CACNA2D1: variants seen among roughly 807,000 people sequenced by gnomAD.
CACNA2D1 encodes the protein voltage-dependent calcium channel subunit alpha-2/delta-1.
Under a neutral mutation model 171.5 loss-of-function variants are expected in CACNA2D1, and 53 were observed. That is an observed-to-expected ratio of 0.31 (90% CI 0.25 to 0.39). The LOEUF (loss-of-function observed/expected upper bound fraction) is 0.39. Ranked by LOEUF, CACNA2D1 falls within the 10% of genes least tolerant of loss-of-function variation. The pLI is 1.00. For missense variants in CACNA2D1, 903 were observed against 1,299.8 expected (o/e 0.69, Z 4.69); for synonymous variants, 442 against 443.1 (o/e 1.00, Z 0.03).
intron 12 of CACNA2D1, among the ~76,000 whole-genome samples, chr7:82,025,262 T>C (rs2131067886): frequency 6.6e-6 from 1 of 151,834 alleles, no homozygotes; most frequent in African/African-American, 2.4e-5. Flanking sequence ...ATATTAAGTC[T>C]TCCAATCCAT....
At chr7:82,090,253 C>G (rs766151222) in intron 6 of CACNA2D1, among the ~76,000 whole-genome samples, 11 of 151,782 alleles carry the variant, frequency 7.2e-5, no homozygotes, top group Non-Finnish European at 1.3e-4. Flanking sequence ...ATCTTTGTAC[C>G]CTTACCTATA....
At chr7:82,327,042 T>A (rs1393988588) in intron 3 of CACNA2D1, among the ~76,000 whole-genome samples, 1 of 152,186 alleles carries the variant, frequency 6.6e-6, no homozygotes. Context: ...AACTGTTACA[T>A]TGAAAGGTGG....
At chr7:81,993,851 T>G (rs1797791975) in intron 20 of CACNA2D1, among the ~76,000 whole-genome samples, 1 of 152,024 alleles carries the variant, frequency 6.6e-6, no homozygotes, top group Admixed American at 6.5e-5. Flanking sequence ...GGAAGAAAAA[T>G]ATCAATGGGA....
At chr7:82,256,129 T>C (rs890399494) in intron 3 of CACNA2D1, among the ~76,000 whole-genome samples, 9 of 151,794 alleles carry the variant, frequency 5.9e-5, no homozygotes, top group South Asian at 4.2e-4. Context: ...GAAAAACAAA[T>C]AGCCAGGCGT....
intron 3 of CACNA2D1, among the ~76,000 whole-genome samples, chr7:82,292,000 C>T (rs575285112): frequency 9.3e-5 from 14 of 150,040 alleles, no homozygotes; most frequent in East Asian, 5.9e-4. Flanking sequence ...CACACATGCA[C>T]GCACACACAC....
intron 1 of CACNA2D1, among the ~76,000 whole-genome samples, chr7:82,378,946 T>C (rs1205774068): frequency 1.2e-5 from 1 of 83,292 alleles, no homozygotes; most frequent in Non-Finnish European, 2.5e-5. Flanking sequence ...CTCGTGTGTG[T>C]GTGTGTGTGT....
At chr7:82,377,664 A>G (rs1040699761) in intron 1 of CACNA2D1, among the ~76,000 whole-genome samples, 1 of 152,164 alleles carries the variant, frequency 6.6e-6, no homozygotes, top group Non-Finnish European at 1.5e-5. Context: ...GAACCCTTTA[A>G]AGGACAGATC....
chr7:82,187,104 C>G (rs1371365112), intron 3 of CACNA2D1, among the ~76,000 whole-genome samples: 1 of 152,108 alleles, frequency 6.6e-6, no homozygotes, highest in Non-Finnish European at 1.5e-5. Context: ...TCACAAATAT[C>G]TGGCTTTTTA....
At chr7:82,019,686 T>C (rs1584434556) in intron 12 of CACNA2D1, among the ~76,000 whole-genome samples, 1 of 152,150 alleles carries the variant, frequency 6.6e-6, no homozygotes, top group Non-Finnish European at 1.5e-5. Flanking sequence ...TAAAAAGCCA[T>C]AGGAATTTGT....
chr7:82,190,188 ATT>A (rs1434982031), intron 3 of CACNA2D1, among the ~76,000 whole-genome samples: 2 of 151,798 alleles, frequency 1.3e-5, no homozygotes, highest in African/African-American at 4.8e-5. Context: ...CTAAAATGAT[ATT>A]GTTATTCACC....
chr7:82,070,920 G>T (rs1395259155), intron 7 of CACNA2D1, among the ~76,000 whole-genome samples: 1 of 152,104 alleles, frequency 6.6e-6, no homozygotes, highest in East Asian at 1.9e-4. Flanking sequence ...AGAGATGACG[G>T]AGATGAGGAT....
chr7:82,137,507 T>C (rs1464966482), intron 4 of CACNA2D1, among the ~76,000 whole-genome samples: 2 of 152,038 alleles, frequency 1.3e-5, no homozygotes, highest in Non-Finnish European at 1.5e-5. Context: ...CCACATGTCT[T>C]CAAGTAGTAA....
intron 3 of CACNA2D1, among the ~76,000 whole-genome samples, chr7:82,303,033 G>A (rs986027252): frequency 1.2e-4 from 18 of 151,918 alleles, no homozygotes; most frequent in African/African-American, 3.4e-4. Flanking sequence ...TCCCTCTGTC[G>A]CCCAGGCTGG....
chr7:81,977,220 G>A (rs1584259886), intron 24 of CACNA2D1, among the ~76,000 whole-genome samples: 2 of 152,058 alleles, frequency 1.3e-5, no homozygotes, highest in Admixed American at 1.3e-4. Context: ...TTTGAGATAC[G>A]TTCCATCAAT....
At chr7:82,082,199 C>T (rs545242238) in intron 7 of CACNA2D1, among the ~76,000 whole-genome samples, 2 of 152,304 alleles carry the variant, frequency 1.3e-5, no homozygotes, top group East Asian at 3.9e-4. Flanking sequence ...GGCAGCTGTC[C>T]TCCACCAGCG....
At chr7:82,345,643 T>C (rs893339977) in intron 2 of CACNA2D1, among the ~76,000 whole-genome samples, 3 of 151,624 alleles carry the variant, frequency 2.0e-5, no homozygotes, top group Non-Finnish European at 4.4e-5. Flanking sequence ...AAATATGTGA[T>C]GATCAGCCTT....
At position 82,019,218 on chromosome 7, in the gene CACNA2D1, G is replaced by A. The variant is rs553619383; in HGVS notation, c.1144-4739C>T. ...ACCTGTAATCCCAGGTACTTGGGAAGCTGAGGCAGGAGAATTACTTGAACC... is the reference window on the plus strand; with the variant it reads ...ACCTGTAATCCCAGGTACTTGGGAAACTGAGGCAGGAGAATTACTTGAACC... On this transcript the variant is annotated intron_variant, in intron 12 of 38. Transcript: ENST00000356860. Among the ~76,000 whole-genome samples, 6 of 152,194 alleles carry A rather than the reference G, an allele frequency of 3.9e-5. No individual in the cohort carries two copies. The South Asian group carries it at 1.0e-3, about 26-fold the overall frequency.
chr7:82,332,748 C>G (rs774713750), intron 3 of CACNA2D1, among the ~76,000 whole-genome samples: 4 of 152,116 alleles, frequency 2.6e-5, no homozygotes, highest in Non-Finnish European at 5.9e-5. Context: ...GCCTGAAATC[C>G]CAGCACTTTG....
rs77915384 is a variant in CACNA2D1 at position 82,054,137 on chromosome 7, T to C, written c.879+6291A>G. Among the ~76,000 whole-genome samples the C allele has an allele frequency of 1.6e-3, 250 of 152,342 alleles. 3 individuals carry two copies. In the East Asian group the frequency reaches 0.019, roughly 11 times the overall value. ...ATCCCAATGCCCATTCTAAGTTCTT[T>C]AGGAAATAAATGTTAGTTGCTGACT... On this transcript the variant is annotated intron_variant, in intron 10 of 38. Transcript: ENST00000356860.
Sources: gnomAD v4.1 joint callset for allele counts (sites outside exome capture counted in the v4.1 genomes callset) on GRCh38, gnomAD v4.1.1 for gene constraint, MANE v1.5 for transcripts, NCBI Gene and HGNC (gene_info 2026-07-23, HGNC 2026-07-21) for gene names.